The following RBMS2 variants were observed in gnomAD, a reference collection of about 807,000 sequenced individuals.
RBMS2 encodes RNA binding motif single stranded interacting protein 2, also known as RNA-binding motif, single-stranded-interacting protein 2.
In RBMS2, 38 loss-of-function variants were observed where a neutral mutation model predicts 58.4. The ratio of observed to expected loss-of-function variants is 0.65; its 90% CI spans 0.50 to 0.85. The LOEUF (loss-of-function observed/expected upper bound fraction) is 0.85. Among genes scored for constraint, RBMS2 ranks in the 40% least tolerant of loss-of-function variants. RBMS2 has a pLI of 0.00. For synonymous variants in RBMS2, 151 were observed against 180.7 expected, an observed-to-expected ratio of 0.84 and a Z score of 1.32; for missense variants, 367 against 503.7, an observed-to-expected ratio of 0.73 and a Z score of 2.60.
Position 56,569,003 on chromosome 12 carries a change from A to G in RBMS2, c.262A>G (p.Ile88Val), listed in dbSNP as rs777863145. The part of the protein sequence containing the change: ...PYGKIVSTKA[I>V]LDKTTNKCKG... ...TGGCAAGATTGTTTCCACTAAGGCC[A>G]TACTGGACAAGACCACAAACAAATG... Residue 88 changes from isoleucine to valine, a missense_variant, in exon 3 of 14, where the codon ATA becomes GTA. By Grantham distance (29) the Ile-to-Val change is conservative (BLOSUM62 3). Transcript: ENST00000262031. 186 of 1,613,186 alleles carry G rather than the reference A, an allele frequency of 1.2e-4. No homozygotes were observed. The highest frequency in any genetic ancestry group is 1.5e-4 in the Non-Finnish European group (182 of 1,179,244).
chr12:56,582,373 A>G (rs369832101), intron 9 of RBMS2, among the ~76,000 whole-genome samples: 12 of 152,194 alleles, frequency 7.9e-5, no homozygotes, highest in African/African-American at 2.9e-4. Flanking sequence ...CTCCACAAGT[A>G]AACTCATGTT....
At chr12:56,545,476 C>T (rs1876997243) in intron 1 of RBMS2, among the ~76,000 whole-genome samples, 1 of 152,152 alleles carries the variant, frequency 6.6e-6, no homozygotes, top group Admixed American at 6.6e-5. Context: ...AATTCAGTGG[C>T]TCTTAGTATA....
intron 9 of RBMS2, 97 bp downstream of exon 9, chr12:56,582,249 C>G (rs893119645): frequency 9.1e-7 from 1 of 1,095,294 alleles, no homozygotes; most frequent in African/African-American, 1.6e-5. Context: ...TTTTGTTTTT[C>G]CTTTTAATCA....
chr12:56,539,862 AG>A, intron 1 of RBMS2: 1 of 259,546 alleles, frequency 3.9e-6, no homozygotes, highest in Non-Finnish European at 7.8e-6. Flanking sequence ...AAAAACTGAG[AG>A]GCCGGATGCT....
intron 4 of RBMS2, among the ~76,000 whole-genome samples, chr12:56,570,829 A>C (rs1882177159): frequency 6.6e-6 from 1 of 152,132 alleles, no homozygotes; most frequent in Admixed American, 6.5e-5. Flanking sequence ...CGCCCACCTC[A>C]GCCTTCCAAA....
At chr12:56,524,190 C>A (rs1014082087) in intron 1 of RBMS2, among the ~76,000 whole-genome samples, 1 of 152,114 alleles carries the variant, frequency 6.6e-6, no homozygotes, top group African/African-American at 2.4e-5. Context: ...GGGTTGAAAT[C>A]TCTTAGTAAG....
chr12:56,581,423 A>T lies in RBMS2; in HGVS notation c.647A>T (p.Lys216Ile), dbSNP rs575794871. ...GCCCCATCCGATCCCTTGCTTTGCA[A>T]ATTTGCTGATGGCGGGCCAAAGAAA... ...VPAPSDPLLC[K>I]FADGGPKKRQ... Residue 216 changes from lysine (K) to isoleucine (I), a missense_variant, in exon 7 of 14, where the codon AAA becomes ATA. Lys to Ile is a moderately radical substitution (Grantham distance 102). This residue lies in a region of RBMS2 where 220 missense variants were observed against 261.1 expected (regional missense o/e 0.84). Coordinates refer to ENST00000262031, the MANE Select transcript of RBMS2 (RefSeq NM_002898.4). 1.2e-6 allele frequency: 2 copies of T among 1,614,072 alleles called. No homozygotes were observed. The highest frequency in any genetic ancestry group is 1.7e-6 in the Non-Finnish European group (2 of 1,180,052).
At chr12:56,557,893 C>T (rs1879525962) in intron 1 of RBMS2, among the ~76,000 whole-genome samples, 1 of 151,646 alleles carries the variant, frequency 6.6e-6, no homozygotes, top group Non-Finnish European at 1.5e-5. Context: ...CATGCACCAC[C>T]ACGCCCGGCT....
At chr12:56,544,642 C>CAGT (rs1876798898) in intron 1 of RBMS2, among the ~76,000 whole-genome samples, 1 of 152,042 alleles carries the variant, frequency 6.6e-6, no homozygotes, top group African/African-American at 2.4e-5. Flanking sequence ...TGCTGTAGTG[C>CAGT]AGTAGTGCAA....
intron 1 of RBMS2, among the ~76,000 whole-genome samples, chr12:56,525,174 G>A (rs1872438643): frequency 6.6e-6 from 1 of 152,012 alleles, no homozygotes; most frequent in Admixed American, 6.6e-5. Context: ...AGATGCATTT[G>A]CTTATGTAAT....
At chr12:56,579,184 A>G (rs1565776167) in intron 5 of RBMS2, among the ~76,000 whole-genome samples, 1 of 152,258 alleles carries the variant, frequency 6.6e-6, no homozygotes, top group South Asian at 2.1e-4. Flanking sequence ...CAGATTTAAC[A>G]GTTTTTGAGA....
chr12:56,548,839 A>G (rs925804948), intron 1 of RBMS2, among the ~76,000 whole-genome samples: 1 of 152,212 alleles, frequency 6.6e-6, no homozygotes, highest in Admixed American at 6.5e-5. Context: ...GCTAGGTATC[A>G]GATGTGGGAT....
At chr12:56,537,629 T>A (rs1875159755) in intron 1 of RBMS2, among the ~76,000 whole-genome samples, 1 of 152,242 alleles carries the variant, frequency 6.6e-6, no homozygotes, top group Admixed American at 6.5e-5. Context: ...GCCTTTTGGC[T>A]GTTGTGAATA....
At chr12:56,549,022 T>G (rs182326306) in intron 1 of RBMS2, among the ~76,000 whole-genome samples, 2 of 152,312 alleles carry the variant, frequency 1.3e-5, no homozygotes, top group Non-Finnish European at 2.9e-5. Context: ...TTGATTTGTT[T>G]TCTTGAGTCA....
intron 1 of RBMS2, among the ~76,000 whole-genome samples, chr12:56,540,745 A>G (rs1297338040): frequency 6.6e-6 from 1 of 152,104 alleles, no homozygotes; most frequent in Admixed American, 6.6e-5. Context: ...TCCCCATTTT[A>G]TAGGTGAGGT....
At chr12:56,525,646 A>G (rs991663609) in intron 1 of RBMS2, among the ~76,000 whole-genome samples, 2 of 150,920 alleles carry the variant, frequency 1.3e-5, no homozygotes, top group Non-Finnish European at 3.0e-5. Context: ...ACCTCAGCCA[A>G]CTTTTATATA....
At chr12:56,556,762 A>G (rs1036586312) in intron 1 of RBMS2, among the ~76,000 whole-genome samples, 1 of 152,184 alleles carries the variant, frequency 6.6e-6, no homozygotes, top group Non-Finnish European at 1.5e-5. Flanking sequence ...TGAAAGAAGT[A>G]TAGAGGTAAA....
chr12:56,545,220 C>A (rs970056088), intron 1 of RBMS2, among the ~76,000 whole-genome samples: 1 of 152,138 alleles, frequency 6.6e-6, no homozygotes, highest in Admixed American at 6.6e-5. Context: ...CAGCTCCATC[C>A]AAGTTGCTGC....
chr12:56,575,073 C>T (rs981115905), intron 5 of RBMS2, among the ~76,000 whole-genome samples: 3 of 151,918 alleles, frequency 2.0e-5, no homozygotes, highest in Admixed American at 1.3e-4. Flanking sequence ...GGTGTGAACC[C>T]GGGAGGCGGA....
Sources: allele counts gnomAD v4.1 joint callset (sites outside exome capture counted in the v4.1 genomes callset), GRCh38; gene constraint gnomAD v4.1.1; regional missense constraint gnomAD v4.1.1; transcripts MANE v1.5; gene names NCBI Gene and HGNC (gene_info 2026-07-23, HGNC 2026-07-21).